Variants in GEMIN8 observed in about 807,000 individuals in gnomAD.
The protein encoded by GEMIN8 is gem nuclear organelle associated protein 8, also known as gem-associated protein 8.
For missense variants in GEMIN8, 185 were observed against 205.9 expected (o/e 0.90, Z 0.62); for synonymous variants, 80 against 78.5 (o/e 1.02, Z -0.10).
intron 1 of GEMIN8, among the ~76,000 whole-genome samples, chrX:14,027,803 G>A (rs1403438535): frequency 8.9e-6 from 1 of 112,165 alleles, no homozygotes; most frequent in African/African-American, 3.2e-5. Context: ...TGAAATATGA[G>A]GCCAGGAACA....
chrX:13,985,943 A>G, the GEMIN8 span, among the ~76,000 whole-genome samples: 650 of 111,188 alleles, frequency 5.8e-3, 12 homozygotes, highest in East Asian at 0.097. Context: ...TTCTTTTTCG[A>G]AACTTGATTC....
chrX:13,986,441 C>T, the GEMIN8 span, among the ~76,000 whole-genome samples: 3 of 112,433 alleles, frequency 2.7e-5, no homozygotes, highest in Admixed American at 2.8e-4. Flanking sequence ...TGGTGTGTGG[C>T]TGCTGTGTTT....
chrX:14,027,822 C>T (rs760126339), intron 1 of GEMIN8, among the ~76,000 whole-genome samples: 5 of 112,085 alleles, frequency 4.5e-5, no homozygotes, highest in African/African-American at 6.5e-5. Context: ...CAAAGTTACC[C>T]TCTGACTCAG....
intron 4 of GEMIN8, among the ~76,000 whole-genome samples, chrX:14,018,411 C>T: frequency 8.9e-6 from 1 of 112,320 alleles, no homozygotes; most frequent in Non-Finnish European, 1.9e-5. Flanking sequence ...CTGGGATTTG[C>T]TTCCATCCAT....
chrX:13,987,037 T>C, the GEMIN8 span, among the ~76,000 whole-genome samples: 5 of 112,292 alleles, frequency 4.5e-5, no homozygotes, highest in African/African-American at 1.6e-4. Context: ...TAAAATGTTA[T>C]TTCTTTTTGA....
chrX:14,013,752 G>T (rs1197752681), intron 4 of GEMIN8, among the ~76,000 whole-genome samples: 1 of 109,400 alleles, frequency 9.1e-6, no homozygotes, highest in Non-Finnish European at 1.9e-5. Flanking sequence ...TGGTCCTGTT[G>T]ACCGCTTGAT....
At chrX:14,015,518 A>G (rs1164340142) in intron 4 of GEMIN8, among the ~76,000 whole-genome samples, 1 of 112,186 alleles carries the variant, frequency 8.9e-6, no homozygotes, top group Non-Finnish European at 1.9e-5. Flanking sequence ...GAAATATGTT[A>G]AAGTAGAGAC....
chrX:13,986,014 A>G, the GEMIN8 span, among the ~76,000 whole-genome samples: 1 of 111,796 alleles, frequency 8.9e-6, no homozygotes, highest in Non-Finnish European at 1.9e-5. Flanking sequence ...ATTCTCTGCT[A>G]TTTGTGTTGT....
chrX:14,024,522 A>AAAAAC (rs1924570220), intron 2 of GEMIN8, among the ~76,000 whole-genome samples: 2 of 109,818 alleles, frequency 1.8e-5, no homozygotes, highest in South Asian at 7.9e-4. Flanking sequence ...AAAACAAAAA[A>AAAAAC]AAAAAGAAGA....
chrX:14,025,135 T>A lies in GEMIN8; in HGVS notation c.-34+1005A>T, dbSNP rs781215375. 2.7e-5 allele frequency among the ~76,000 whole-genome samples: 3 copies of A among 112,171 alleles called. No homozygotes were observed. The East Asian group carries it at 8.3e-4, about 31-fold the overall frequency. On this transcript the variant is annotated intron_variant, in intron 2 of 4. Coordinates refer to ENST00000680255, the MANE Select transcript of GEMIN8 (RefSeq NM_001042479.2). ...TGACTTGAAGAATTACACATTCGTC[T>A]CTCAAAAGTCAAATAAGGCATAGAA...
chrX:14,025,346 A>C (rs1353971373), intron 2 of GEMIN8, among the ~76,000 whole-genome samples: 1 of 109,793 alleles, frequency 9.1e-6, no homozygotes, highest in African/African-American at 3.3e-5. Flanking sequence ...AAAAAAAAAA[A>C]AAACACACAC....
At position 14,008,865 on chromosome X, in the gene GEMIN8, G is replaced by A. The variant is rs780553724; in HGVS notation, c.*48C>T. On this transcript the variant is annotated 3_prime_UTR_variant, in exon 5 of 5. Coordinates refer to ENST00000680255, the MANE Select transcript of GEMIN8 (RefSeq NM_001042479.2). ...ATGTACAGAAGGAGAGATAAAGAGC[G>A]TGTACCCAAAAGGAAGAAGGAGAGG... 6.2e-6 allele frequency: 7 copies of A among 1,138,207 alleles called. No individual in the cohort carries two copies. The highest frequency in any genetic ancestry group is 8.4e-6 in the Non-Finnish European group (7 of 836,863). 93.8% of individuals were successfully genotyped at this position (1,138,207 alleles called of 1,213,427 possible). A position where few individuals can be genotyped will look rare whatever the true frequency, so the allele number is the denominator to read the frequency against.
downstream of GEMIN8, among the ~76,000 whole-genome samples, chrX:14,003,920 G>A (rs949547467): frequency 7.1e-5 from 8 of 112,095 alleles, no homozygotes; most frequent in African/African-American, 2.3e-4. Flanking sequence ...AAACTACTTT[G>A]TTAGAATAGA....
intron 4 of GEMIN8, chrX:14,014,570 T>C: frequency 1.4e-6 from 1 of 730,400 alleles, no homozygotes; most frequent in Non-Finnish European, 1.6e-6. Context: ...CATGTCAGGA[T>C]TGTGCTCAAT....
intron 4 of GEMIN8, among the ~76,000 whole-genome samples, chrX:14,014,780 G>C: frequency 9.0e-6 from 1 of 111,730 alleles, no homozygotes; most frequent in Non-Finnish European, 1.9e-5. Context: ...ACCACATCTG[G>C]GCATATGAAA....
intron 4 of GEMIN8, among the ~76,000 whole-genome samples, chrX:14,019,632 G>A (rs1207582163): frequency 8.9e-6 from 1 of 112,002 alleles, no homozygotes; most frequent in Non-Finnish European, 1.9e-5. Flanking sequence ...GGAAGTAGAG[G>A]TAGGCAGATT....
intron 4 of GEMIN8, among the ~76,000 whole-genome samples, chrX:14,019,199 C>A (rs1482726130): frequency 9.0e-6 from 1 of 111,268 alleles, no homozygotes; most frequent in Non-Finnish European, 1.9e-5. Flanking sequence ...AAATGTCATA[C>A]AATTAGGCCT....
chrX:13,992,031 A>C, the GEMIN8 span, among the ~76,000 whole-genome samples: 1 of 112,510 alleles, frequency 8.9e-6, no homozygotes, highest in Non-Finnish European at 1.9e-5. Context: ...TCTTGCCCAC[A>C]GTACTCGTCT....
chrX:14,021,759 T>A (rs180967047), intron 2 of GEMIN8, among the ~76,000 whole-genome samples: 1 of 101,250 alleles, frequency 9.9e-6, no homozygotes, highest in East Asian at 3.2e-4. Flanking sequence ...TATTTCCCTA[T>A]AGGAAGTAAA....
Sources: gnomAD v4.1 joint callset for allele counts (sites outside exome capture counted in the v4.1 genomes callset) on GRCh38, gnomAD v4.1.1 for gene constraint, MANE v1.5 for transcripts, NCBI Gene and HGNC (gene_info 2026-07-23, HGNC 2026-07-21) for gene names.